The following CERS2 variants were observed in gnomAD, a reference collection of about 807,000 sequenced individuals.
CERS2 encodes ceramide synthase 2, also known as LAG1 homolog, ceramide synthase 2.
In CERS2, 20 loss-of-function variants were observed where a neutral mutation model predicts 56.6. The ratio of observed to expected loss-of-function variants is 0.35; its 90% CI spans 0.25 to 0.51. The LOEUF (loss-of-function observed/expected upper bound fraction) is 0.51. Among genes scored for constraint, CERS2 ranks in the 20% least tolerant of loss-of-function variants. CERS2 has a pLI of 0.96. For missense variants in CERS2, 361 were observed against 488.6 expected, an observed-to-expected ratio of 0.74 and a Z score of 2.46; for synonymous variants, 187 against 175.4, an observed-to-expected ratio of 1.07 and a Z score of -0.52.
chr1:150,966,032 G>A lies in CERS2; in HGVS notation c.*116C>T. ...GACAAGCAAGGAGGGAGGATGCAGAGAACTCTCCTCTCACTTTCTCCTTTT... is the reference window on the plus strand; with the variant it reads ...GACAAGCAAGGAGGGAGGATGCAGAAAACTCTCCTCTCACTTTCTCCTTTT... On this transcript the variant is annotated 3_prime_UTR_variant, in exon 11 of 11. Coordinates refer to ENST00000368954, the MANE Select transcript of CERS2 (RefSeq NM_022075.5). 1 of 1,095,186 alleles carries A rather than the reference G, an allele frequency of 9.1e-7. No individual in the cohort carries two copies. The allele number at this position is 1,095,186 out of a possible 1,614,324, so 67.8% of individuals were successfully genotyped here. A position where few individuals can be genotyped will look rare whatever the true frequency, so the allele number is the denominator to read the frequency against.
chr1:150,967,690 T>C lies in CERS2; in HGVS notation c.493A>G (p.Lys165Glu), dbSNP rs1184664527. The change falls in exon 6 of 11, where the codon AAA becomes GAA. Residue 165 changes from lysine to glutamate, a missense_variant. Physicochemically the swap from Lys to Glu is moderately conservative, Grantham distance 56 (BLOSUM62 1). Coordinates refer to ENST00000368954, the MANE Select transcript of CERS2 (RefSeq NM_022075.5). ...VDKPWFYDMKKVWEGYPIQST... is the reference protein window; with the variant it reads ...VDKPWFYDMKEVWEGYPIQST... ...TGTATGGGATATCCCTCCCAAACTT[T>C]CTTCATGTCATAGAACCAGGGTTTC... is the stretch of plus-strand genomic sequence containing the variant. 6.2e-7 allele frequency: 1 copy of C among 1,614,056 alleles called. No homozygotes were observed. Among genetic ancestry groups the C allele is most frequent in the Non-Finnish European group, 8.5e-7 (1 of 1,179,910 alleles).
At position 150,967,498 on chromosome 1, in the gene CERS2, G is replaced by A; in HGVS notation, c.520-14C>T. 1 of 1,515,938 alleles carries A rather than the reference G, an allele frequency of 6.6e-7. No individual in the cohort carries two copies. The highest frequency in any genetic ancestry group is 9.2e-7 in the Non-Finnish European group (1 of 1,090,614). The allele number at this position is 1,515,938 out of a possible 1,614,324, so 93.9% of individuals were successfully genotyped here. On this transcript the variant is annotated splice_polypyrimidine_tract_variant and intron_variant, in intron 6 of 10. Coordinates refer to ENST00000368954, the MANE Select transcript of CERS2 (RefSeq NM_022075.5). ...AGGGATAGTGCTCTGGGAGAGGAGA[G>A]AGAGGTAAGAGCAACCAGCCGCAAG...
intron 1 of CERS2, among the ~76,000 whole-genome samples, chr1:150,970,822 C>G (rs964318564): frequency 7.9e-5 from 12 of 152,144 alleles, no homozygotes; most frequent in Admixed American, 3.3e-4. Context: ...CTGGTCAGAG[C>G]TATTTCGTAT....
intron 8 of CERS2, 52 bp downstream of exon 8, chr1:150,967,022 C>T (rs1482794272): frequency 1.2e-6 from 2 of 1,607,224 alleles, no homozygotes; most frequent in Non-Finnish European, 1.7e-6. Context: ...CAAAGAAAAC[C>T]AAAGGGACAG....
intron 1 of CERS2, among the ~76,000 whole-genome samples, chr1:150,970,453 A>G (rs1671150223): frequency 6.6e-6 from 1 of 152,096 alleles, no homozygotes; most frequent in African/African-American, 2.4e-5. Context: ...GCAGGGAACC[A>G]AGAGAGCGGA....
chr1:150,967,553 C>T (rs1671060052), intron 6 of CERS2, 69 bp from the exon 7 acceptor site: 1 of 1,401,650 alleles, frequency 7.1e-7, no homozygotes, highest in Admixed American at 1.7e-5. Context: ...CCCCCTAGCC[C>T]CTGAGGTTCT....
Position 150,966,763 on chromosome 1 carries a change from G to A in CERS2, c.841C>T (p.Pro281Ser). ...GCCTAGCTGCCTACTCACCAGAAGG[G>A]CAGGATGACCAGTCGGGTGATGATA... is the stretch of plus-strand genomic sequence containing the variant. Reference protein sequence around the residue: ...VFIITRLVILPFWILHCTLVY... With the variant: ...VFIITRLVILSFWILHCTLVY... Residue 281 changes from proline (P) to serine (S), a missense_variant, in exon 9 of 11, where the codon CCC becomes TCC. Physicochemically the swap from Pro to Ser is moderately conservative, Grantham distance 74 (BLOSUM62 -1). This residue lies in a region of CERS2 where 122 missense variants were observed against 151.9 expected (regional missense o/e 0.80). Coordinates refer to ENST00000368954, the MANE Select transcript of CERS2 (RefSeq NM_022075.5). 1 of 1,613,312 alleles carries A rather than the reference G, an allele frequency of 6.2e-7. No homozygotes were observed. The highest frequency in any genetic ancestry group is 8.5e-7 in the Non-Finnish European group (1 of 1,179,254).
intron 8 of CERS2, 59 bp from the exon 9 acceptor site, chr1:150,966,921 A>G (rs1671040539): frequency 4.2e-6 from 6 of 1,443,932 alleles, no homozygotes; most frequent in Non-Finnish European, 5.8e-6. Context: ...GTACATTCAT[A>G]TGTACACTCC....
At chr1:150,968,610 T>A in intron 2 of CERS2, 98 bp from the exon 3 acceptor site, 1 of 989,424 alleles carries the variant, frequency 1.0e-6, no homozygotes, top group African/African-American at 1.6e-5. Context: ...CCCAGCTTCC[T>A]GGCAACCCCC....
rs1365559474 is a variant in CERS2, at chr1:150,969,069, A to T, written c.22T>A (p.Tyr8Asn). The T allele has an allele frequency of 6.2e-7, 1 of 1,614,050 alleles. No individual in the cohort carries two copies. Among genetic ancestry groups the T allele is most frequent in the Non-Finnish European group, 8.5e-7 (1 of 1,180,026 alleles). ...AGCCACAGACGTTCCCACCAGAAGT[A>T]ATCATACAAGGTCTGGAGCATCCTG... is the stretch of plus-strand genomic sequence containing the variant. Reference protein sequence around the residue: MLQTLYDYFWWERLWLPV... With the variant: MLQTLYDNFWWERLWLPV... Residue 8 changes from tyrosine (Y) to asparagine (N), a missense_variant, in exon 2 of 11, where the codon TAC (tyrosine) becomes AAC (asparagine). Around this residue, in one of 3 missense-constraint regions of CERS2, gnomAD observed 236 missense variants for 309.2 expected, o/e 0.76. Coordinates refer to ENST00000368954, the MANE Select transcript of CERS2 (RefSeq NM_022075.5).
chr1:150,967,549 A>G (rs1671059771), intron 6 of CERS2, 65 bp from the exon 7 acceptor site: 3 of 1,394,008 alleles, frequency 2.2e-6, no homozygotes, highest in Non-Finnish European at 3.1e-6. Flanking sequence ...CAAACCCCCT[A>G]GCCCCTGAGG....
chr1:150,966,050 C>G lies in CERS2; in HGVS notation c.*98G>C. The G allele has an allele frequency of 7.9e-7, 1 of 1,265,938 alleles. No individual in the cohort carries two copies. The highest frequency in any genetic ancestry group is 1.1e-6 in the Non-Finnish European group (1 of 925,128). The allele number at this position is 1,265,938 out of a possible 1,614,324, so 78.4% of individuals were successfully genotyped here. On this transcript the variant is annotated 3_prime_UTR_variant, in exon 11 of 11. Transcript: ENST00000368954. ...ATGCAGAGAACTCTCCTCTCACTTT[C>G]TCCTTTTTCCCCAGAGCTTAAAGTG...
At position 150,967,379 on chromosome 1, in the gene CERS2, C is replaced by A; in HGVS notation, c.612+13G>T. 6.4e-7 allele frequency: 1 copy of A among 1,561,538 alleles called. No individual in the cohort carries two copies. ...TTGGCTCTGAGGCTTAATTGCACAACCCCTTCACCCACCTTTCGCTTGACA... is the reference window on the plus strand; with the variant it reads ...TTGGCTCTGAGGCTTAATTGCACAAACCCTTCACCCACCTTTCGCTTGACA... On this transcript the variant is annotated intron_variant, in intron 7 of 10. Coordinates refer to ENST00000368954, the MANE Select transcript of CERS2 (RefSeq NM_022075.5).
intron 1 of CERS2, among the ~76,000 whole-genome samples, chr1:150,974,161 C>A (rs587637746): frequency 6.6e-6 from 1 of 152,162 alleles, no homozygotes; most frequent in Non-Finnish European, 1.5e-5. Context: ...CCCACCCAAG[C>A]CACAGGACGC....
rs1480342063 is a variant in CERS2 at position 150,968,154 on chromosome 1, C to T, written c.339G>A (p.Gln113=). 1 of 1,609,652 alleles carries T rather than the reference C, an allele frequency of 6.2e-7. No homozygotes were observed. The highest frequency in any genetic ancestry group is 1.1e-5 in the South Asian group (1 of 91,086). ...LSRQSGLSGR[Q]VERWFRRRRN... is the part of the protein sequence containing the mutation. ...GGCGGCGACGGAACCAACGCTCTAC[C>T]TGGCGGCCAGAGAGCCCGCTCTGCC... The change falls in exon 4 of 11, where the codon CAG becomes CAA. Residue 113 remains glutamine, a synonymous_variant. Transcript: ENST00000368954.
chr1:150,967,274 CT>C (rs1302255227), intron 7 of CERS2, 72 bp from the exon 8 acceptor site: 20 of 1,541,976 alleles, frequency 1.3e-5, no homozygotes, highest in East Asian at 4.5e-5. Context: ...TACCCCTTGC[CT>C]TTGGTTCCCC....
intron 1 of CERS2, chr1:150,969,349 G>A (rs1671119292): frequency 1.2e-5 from 5 of 412,118 alleles, no homozygotes; most frequent in Non-Finnish European, 2.2e-5. Flanking sequence ...GCCGAGGCTG[G>A]CAGATCACGA....
intron 1 of CERS2, chr1:150,972,004 C>A: frequency 2.3e-6 from 1 of 443,576 alleles, no homozygotes; most frequent in Admixed American, 2.5e-5. Context: ...GCTGGAGTCG[C>A]AGAGGGAGGG....
chr1:150,971,783 T>C (rs1433891676), intron 1 of CERS2: 4 of 464,734 alleles, frequency 8.6e-6, no homozygotes, highest in East Asian at 7.0e-5. Context: ...TGTGTGCACA[T>C]GGCCCCCTCT....
Sources: gnomAD v4.1 joint callset for allele counts (sites outside exome capture counted in the v4.1 genomes callset) on GRCh38, gnomAD v4.1.1 for gene constraint, gnomAD v4.1.1 regional missense constraint, MANE v1.5 for transcripts, NCBI Gene and HGNC (gene_info 2026-07-23, HGNC 2026-07-21) for gene names.